Variants in PCDHGA10 observed in about 807,000 individuals in gnomAD.
The protein encoded by PCDHGA10 is protocadherin gamma subfamily A, 10, also known as protocadherin gamma-A10.
PCDHGA10 carries 42 observed loss-of-function variants against 59.5 expected under a neutral mutation model. The observed-to-expected ratio is 0.71, with a 90% confidence interval of 0.55 to 0.91. PCDHGA10 has a LOEUF of 0.91. Among genes scored for constraint, PCDHGA10 ranks in the 40% least tolerant of loss-of-function variants. The pLI, the probability that PCDHGA10 is intolerant of heterozygous loss-of-function variation, is 0.00. For missense variants in PCDHGA10, 1,111 were observed against 1,198.2 expected, an observed-to-expected ratio of 0.93 and a Z score of 1.07; for synonymous variants, 511 against 517.2, an observed-to-expected ratio of 0.99 and a Z score of 0.16.
chr5:141,414,185 T>C lies in PCDHGA10; in HGVS notation c.1010T>C (p.Val337Ala), dbSNP rs374044785. Reference protein sequence around the residue: ...DGGAYLATAKVLITVEDVNDN... With the variant: ...DGGAYLATAKALITVEDVNDN... ...GGAGCATATCTTGCAACTGCAAAAG[T>C]GTTGATTACAGTAGAAGATGTAAAT... Residue 337 changes from valine (V) to alanine (A), a missense_variant, in exon 1 of 4, where the codon GTG (valine) becomes GCG (alanine). Transcript: ENST00000398610. The C allele has an allele frequency of 1.2e-5, 19 of 1,609,558 alleles. No homozygotes were observed. The highest frequency in any genetic ancestry group is 1.6e-5 in the Non-Finnish European group (19 of 1,177,778).
intron 1 of PCDHGA10, chr5:141,478,287 G>A (rs777542913): frequency 3.7e-6 from 6 of 1,614,154 alleles, no homozygotes; most frequent in Non-Finnish European, 5.1e-6. Flanking sequence ...AAGCAGTCTA[G>A]AGACCTATAC....
chr5:141,446,821 T>C lies in PCDHGA10; in HGVS notation c.2436+31210T>C, dbSNP rs183143971. ...CATTGTGATCATCTAGTCAGATGGG[T>C]AGATCCTTATAAGGCTGAGCATAAT... On this transcript the variant is annotated intron_variant, in intron 1 of 3. Coordinates refer to ENST00000398610, the MANE Select transcript of PCDHGA10 (RefSeq NM_018913.3). 1.6e-3 allele frequency among the ~76,000 whole-genome samples: 244 copies of C among 152,302 alleles called. 2 individuals carry two copies. The highest frequency in any genetic ancestry group is 5.4e-3 in the African/African-American group (223 of 41,572).
chr5:141,431,830 C>G lies in PCDHGA10; in HGVS notation c.2436+16219C>G, dbSNP rs1354008481. 1 of 1,614,078 alleles carries G rather than the reference C, an allele frequency of 6.2e-7. No homozygotes were observed. The highest frequency in any genetic ancestry group is 8.5e-7 in the Non-Finnish European group (1 of 1,180,034). The stretch of plus-strand genomic sequence containing the variant: ...TCACCTCTCTCGCCAGCTCGGTTCC[C>G]GAAAACTCTCCCAGAGGGACATTAA... On this transcript the variant is annotated intron_variant, in intron 1 of 3. Coordinates refer to ENST00000398610, the MANE Select transcript of PCDHGA10 (RefSeq NM_018913.3). This position sits in a 1 kb window ranked among gnomAD's most constrained non-coding sequence, Gnocchi z 4.8.
At chr5:141,430,595 G>C (rs549786394) in intron 1 of PCDHGA10, 1 of 567,016 alleles carries the variant, frequency 1.8e-6, no homozygotes. Flanking sequence ...CCTTGCACGC[G>C]CCTGAAGCAC....
chr5:141,475,741 G>C (rs1455125695), intron 1 of PCDHGA10, among the ~76,000 whole-genome samples: 1 of 152,268 alleles, frequency 6.6e-6, no homozygotes, highest in Non-Finnish European at 1.5e-5. Flanking sequence ...CCCTAAGGTA[G>C]GTTTCCTATG....
chr5:141,425,490 G>T (rs2096878933), intron 1 of PCDHGA10, among the ~76,000 whole-genome samples: 1 of 152,122 alleles, frequency 6.6e-6, no homozygotes, highest in Non-Finnish European at 1.5e-5. Context: ...AACCTACTAG[G>T]CTATACCTTT....
At chr5:141,470,485 GAAT>G (rs2099231720) in intron 1 of PCDHGA10, among the ~76,000 whole-genome samples, 1 of 152,074 alleles carries the variant, frequency 6.6e-6, no homozygotes, top group Admixed American at 6.6e-5. Context: ...AACCCTCTGG[GAAT>G]AATATTAGGT....
At chr5:141,468,409 A>G (rs183146641) in intron 1 of PCDHGA10, 1 of 152,230 alleles carries the variant, frequency 6.6e-6, no homozygotes, top group East Asian at 1.9e-4. Flanking sequence ...AACTAATAAT[A>G]AGTTAGATAG....
At chr5:141,467,987 A>G (rs888811899) in intron 1 of PCDHGA10, among the ~76,000 whole-genome samples, 10 of 152,216 alleles carry the variant, frequency 6.6e-5, no homozygotes, top group Non-Finnish European at 8.8e-5. Flanking sequence ...TCAGAAAACC[A>G]CAATTCTTTC....
chr5:141,420,840 T>A (rs2096528017), intron 1 of PCDHGA10, among the ~76,000 whole-genome samples: 1 of 152,250 alleles, frequency 6.6e-6, no homozygotes, highest in African/African-American at 2.4e-5. Flanking sequence ...TCGCAGGTGT[T>A]CTTGGTAAAG....
chr5:141,419,378 G>C (rs777509820), intron 1 of PCDHGA10: 3 of 1,613,712 alleles, frequency 1.9e-6, no homozygotes, highest in Admixed American at 3.3e-5. Context: ...CTACGTGTCC[G>C]TGAGCGCGCA....
Position 141,511,390 on chromosome 5 carries a change from C to T in PCDHGA10, c.*217C>T, listed in dbSNP as rs2099883760. 1.8e-6 allele frequency: 2 copies of T among 1,101,460 alleles called. No individual in the cohort carries two copies. Among genetic ancestry groups the T allele is most frequent in the Admixed American group, 2.9e-5 (1 of 34,440 alleles). The allele number at this position is 1,101,460 out of a possible 1,614,324, so 68.2% of individuals were successfully genotyped here. A position where few individuals can be genotyped will look rare whatever the true frequency, so the allele number is the denominator to read the frequency against. On this transcript the variant is annotated 3_prime_UTR_variant, in exon 4 of 4. Transcript: ENST00000398610. ...ATGCAAAAGCAGTTCCGCTGGGAAC[C>T]CCCATCCAATCAACTGCTGTACCCA... is the stretch of plus-strand genomic sequence containing the variant.
At chr5:141,509,077 C>A (rs1371396735) in intron 3 of PCDHGA10, among the ~76,000 whole-genome samples, 3 of 152,242 alleles carry the variant, frequency 2.0e-5, no homozygotes, top group Admixed American at 2.0e-4. Flanking sequence ...CGGGGATTTG[C>A]GACATGAAAT....
intron 1 of PCDHGA10, chr5:141,419,373 T>C: frequency 1.9e-6 from 3 of 1,613,754 alleles, no homozygotes; most frequent in Non-Finnish European, 2.5e-6. Context: ...TCGTCCTACG[T>C]GTCCGTGAGC....
intron 1 of PCDHGA10, among the ~76,000 whole-genome samples, chr5:141,455,576 G>T (rs752051075): frequency 1.3e-5 from 2 of 152,154 alleles, no homozygotes; most frequent in Non-Finnish European, 2.9e-5. Flanking sequence ...TCCCACCCCA[G>T]CCTTTTAATA....
At chr5:141,469,259 A>G (rs1263722797) in intron 1 of PCDHGA10, among the ~76,000 whole-genome samples, 1 of 151,822 alleles carries the variant, frequency 6.6e-6, no homozygotes, top group Admixed American at 6.6e-5. Flanking sequence ...CTTGGGCAAC[A>G]GAGCAAGACC....
chr5:141,490,061 A>T lies in PCDHGA10; in HGVS notation c.2437-4746A>T. The stretch of plus-strand genomic sequence containing the variant: ...GCCACTGATCCAGACGAGGGCACCA[A>T]CGGCCAACTAGACTATTCTTTTGGA... On this transcript the variant is annotated intron_variant, in intron 1 of 3. Transcript: ENST00000398610. This position sits in a 1 kb window ranked among gnomAD's most constrained non-coding sequence, Gnocchi z 5.4. 1 of 1,614,214 alleles carries T rather than the reference A, an allele frequency of 6.2e-7. No homozygotes were observed. The highest frequency in any genetic ancestry group is 8.5e-7 in the Non-Finnish European group (1 of 1,180,030).
intron 1 of PCDHGA10, chr5:141,433,196 C>A (rs750657930): frequency 4.4e-6 from 7 of 1,575,116 alleles, no homozygotes; most frequent in African/African-American, 1.4e-5. Context: ...GAGTTTATAT[C>A]AAATCTTCTT....
rs761731200 is a variant in PCDHGA10, at chr5:141,477,252, T to C, written c.2437-17555T>C. The C allele has an allele frequency of 1.2e-6, 2 of 1,614,182 alleles. No homozygotes were observed. The highest frequency in any genetic ancestry group is 8.5e-7 in the Non-Finnish European group (1 of 1,180,034). ...ATCGCTTTGCTCAGTGTGACTGACCTGGATGCTGGCGAGAACGGGCTGGTG... is the reference window on the plus strand; with the variant it reads ...ATCGCTTTGCTCAGTGTGACTGACCCGGATGCTGGCGAGAACGGGCTGGTG... On this transcript the variant is annotated intron_variant, in intron 1 of 3. Transcript: ENST00000398610. The surrounding 1 kb of genome is among the most constrained non-coding windows in gnomAD (Gnocchi z 4.9).
Sources: allele counts gnomAD v4.1 joint callset (sites outside exome capture counted in the v4.1 genomes callset), GRCh38; gene constraint gnomAD v4.1.1; non-coding constraint Gnocchi (gnomAD v3.1); transcripts MANE v1.5; gene names NCBI Gene and HGNC (gene_info 2026-07-23, HGNC 2026-07-21).